The following ADGRB1 variants were observed in gnomAD, a reference collection of about 807,000 sequenced individuals.
ADGRB1 encodes the protein brain-specific angiogenesis inhibitor 1.
ADGRB1 carries 36 observed loss-of-function variants against 175.7 expected under a neutral mutation model. The ratio of observed to expected loss-of-function variants is 0.20; its 90% CI spans 0.16 to 0.27. The LOEUF (loss-of-function observed/expected upper bound fraction) is 0.27, where lower values mean the gene tolerates loss of function less well. Among genes scored for constraint, ADGRB1 ranks in the 10% least tolerant of loss-of-function variants. The pLI is 1.00. For synonymous variants in ADGRB1, 1,054 were observed against 979.4 expected (o/e 1.08, Z -1.42); for missense variants, 1,731 against 2,255.3 (o/e 0.77, Z 4.71).
At chr8:142,521,001 A>G in intron 20 of ADGRB1, 76 bp downstream of exon 20, 1 of 1,416,546 alleles carries the variant, frequency 7.1e-7, no homozygotes, top group South Asian at 1.3e-5. Flanking sequence ...AGGGGCCTGG[A>G]CCGTGGGATC....
At position 142,520,817 on chromosome 8, in the gene ADGRB1, C is replaced by G; in HGVS notation, c.2922-6C>G. ...TGCTGACCTTGGGCCCCTGCACTCT[C>G]CACAGGTACATTCGCTCAGAGCGTT... is the stretch of plus-strand genomic sequence containing the variant. On this transcript the variant is annotated splice_polypyrimidine_tract_variant and splice_region_variant and intron_variant, in intron 19 of 30. Transcript: ENST00000517894. 2 of 1,612,872 alleles carry G rather than the reference C, an allele frequency of 1.2e-6. No individual in the cohort carries two copies. The highest frequency in any genetic ancestry group is 4.5e-5 in the East Asian group (2 of 44,852).
In ADGRB1 at chr8:142,476,689, C is replaced by A. The variant is rs1024722020; in HGVS notation, c.1051C>A (p.Gln351Lys). Residue 351 changes from glutamine (Q) to lysine (K), a missense_variant, in exon 4 of 31, where the codon CAG (glutamine) becomes AAG (lysine). Coordinates refer to ENST00000517894, the MANE Select transcript of ADGRB1 (RefSeq NM_001702.3). The part of the protein sequence containing the change: ...ELQQFGFPAP[Q>K]TGDPAAEEWS... ...GCAGCAGTTTGGGTTCCCAGCCCCCCAGACCGGTGAGCTGGCGGGAGGGGG... is the reference window on the plus strand; with the variant it reads ...GCAGCAGTTTGGGTTCCCAGCCCCCAAGACCGGTGAGCTGGCGGGAGGGGG... 2.6e-6 allele frequency: 4 copies of A among 1,545,490 alleles called. No individual in the cohort carries two copies. Among genetic ancestry groups the A allele is most frequent in the Non-Finnish European group, 3.5e-6 (4 of 1,144,278 alleles).
intron 27 of ADGRB1, among the ~76,000 whole-genome samples, chr8:142,540,804 CTT>C (rs1845227533): frequency 6.6e-6 from 1 of 151,560 alleles, no homozygotes; most frequent in Admixed American, 6.6e-5. Flanking sequence ...ACGGGTCACT[CTT>C]GGGTAGGGAC....
At chr8:142,536,940 G>A (rs1197869752) in intron 25 of ADGRB1, 47 bp from the exon 26 acceptor site, 1 of 1,500,612 alleles carries the variant, frequency 6.7e-7, no homozygotes, top group Admixed American at 2.0e-5. Flanking sequence ...CGCTGGCGCA[G>A]GGTGGGGGCG....
chr8:142,479,670 C>T (rs751444894), intron 8 of ADGRB1, 23 bp from the exon 9 acceptor site: 2 of 1,608,180 alleles, frequency 1.2e-6, no homozygotes. Context: ...CTTCCTGAAC[C>T]CCTGTCCCGG....
chr8:142,454,540 G>GAC (rs1329071060), intron 1 of ADGRB1, among the ~76,000 whole-genome samples: 2 of 152,174 alleles, frequency 1.3e-5, no homozygotes, highest in African/African-American at 4.8e-5. Context: ...CGATCCAGAA[G>GAC]ACACAGCCTG....
chr8:142,492,068 C>T lies in ADGRB1; in HGVS notation c.2675+1253C>T, dbSNP rs1842006492. ...GGTGTCATGACTCTCCACCTACCCA[C>T]CACCCATCCACCCTCTCCTCTGTCT... On this transcript the variant is annotated intron_variant, in intron 17 of 30. Coordinates refer to ENST00000517894, the MANE Select transcript of ADGRB1 (RefSeq NM_001702.3). The surrounding 1 kb of genome is among the most constrained non-coding windows in gnomAD (Gnocchi z 4.4). Among the ~76,000 whole-genome samples, 1 of 151,962 alleles carries T rather than the reference C, an allele frequency of 6.6e-6. No individual in the cohort carries two copies. Among genetic ancestry groups the T allele is most frequent in the Non-Finnish European group, 1.5e-5 (1 of 67,984 alleles).
chr8:142,469,589 A>G (rs1183867869), intron 2 of ADGRB1, among the ~76,000 whole-genome samples: 17 of 100,562 alleles, frequency 1.7e-4, no homozygotes, highest in Middle Eastern at 8.8e-3. Flanking sequence ...GCATGTGTGA[A>G]TGTGTGTGTG....
Position 142,511,093 on chromosome 8 carries a change from G to C in ADGRB1, c.2817+20G>C. Reference sequence around the variant, plus strand: ...GACGCGGTGAGACCCCGGCCGGGCCGGCGGGAGGGGCGCCGGGCAGGGGCG... The same window carrying C: ...GACGCGGTGAGACCCCGGCCGGGCCCGCGGGAGGGGCGCCGGGCAGGGGCG... On this transcript the variant is annotated intron_variant, in intron 18 of 30. Transcript: ENST00000517894. The surrounding 1 kb of genome is among the most constrained non-coding windows in gnomAD (Gnocchi z 4.5). 2 of 1,090,748 alleles carry C rather than the reference G, an allele frequency of 1.8e-6. No homozygotes were observed. Among genetic ancestry groups the C allele is most frequent in the Admixed American group, 5.2e-5 (1 of 19,098 alleles). The allele number at this position is 1,090,748 out of a possible 1,614,324, so 67.6% of individuals were successfully genotyped here. A position where few individuals can be genotyped will look rare whatever the true frequency, so the allele number is the denominator to read the frequency against.
Position 142,537,199 on chromosome 8 carries a change from G to C in ADGRB1, c.3666+117G>C, listed in dbSNP as rs896761287. Reference sequence around the variant, plus strand: ...TAGGCCCCAGCAACCCTGCTGAGAGGAGCTCTGAACCCAGTGTGCAGTTGG... The same window carrying C: ...TAGGCCCCAGCAACCCTGCTGAGAGCAGCTCTGAACCCAGTGTGCAGTTGG... On this transcript the variant is annotated intron_variant, in intron 26 of 30. Transcript: ENST00000517894. This position sits in a 1 kb window ranked among gnomAD's most constrained non-coding sequence, Gnocchi z 4.6. 10 of 789,858 alleles carry C rather than the reference G, an allele frequency of 1.3e-5. No homozygotes were observed. Among genetic ancestry groups the C allele is most frequent in the Non-Finnish European group, 1.7e-5 (9 of 540,764 alleles). The allele number at this position is 789,858 out of a possible 1,614,324, so 48.9% of individuals were successfully genotyped here.
chr8:142,485,173 G>A lies in ADGRB1; in HGVS notation c.2308+409G>A, dbSNP rs148413635. Among the ~76,000 whole-genome samples the A allele has an allele frequency of 3.5e-3, 528 of 152,352 alleles. 2 individuals carry two copies. The highest frequency in any genetic ancestry group is 0.012 in the African/African-American group (506 of 41,584). ...GACTCCACCCAGCTCCGTGGTGTCA[G>A]CCGAGTCTTAGTTTCCTCATTTCTA... On this transcript the variant is annotated intron_variant, in intron 13 of 30. Transcript: ENST00000517894.
At chr8:142,465,965 C>T (rs1485242262) in intron 2 of ADGRB1, among the ~76,000 whole-genome samples, 3 of 152,184 alleles carry the variant, frequency 2.0e-5, no homozygotes, top group Non-Finnish European at 2.9e-5. Flanking sequence ...GAGCAGCGTC[C>T]TCGGGGTAGA....
intron 27 of ADGRB1, 61 bp downstream of exon 27, chr8:142,539,474 C>G: frequency 6.4e-7 from 1 of 1,564,262 alleles, no homozygotes. Flanking sequence ...CCCCACTCCA[C>G]GCCTCCGCCT....
chr8:142,500,222 G>A (rs1400748243), intron 17 of ADGRB1, among the ~76,000 whole-genome samples: 2 of 45,240 alleles, frequency 4.4e-5, no homozygotes, highest in South Asian at 7.4e-4. Context: ...ACTTCCCCCC[G>A]CGCCGCTCCT....
intron 17 of ADGRB1, among the ~76,000 whole-genome samples, chr8:142,502,605 G>A (rs1328645563): frequency 3.3e-5 from 5 of 150,324 alleles, no homozygotes; most frequent in Admixed American, 2.6e-4. Context: ...TTTTGATGAT[G>A]GGGTGGTGGC....
chr8:142,539,480 C>A (rs1479217332), intron 27 of ADGRB1, 67 bp downstream of exon 27: 8 of 1,552,112 alleles, frequency 5.2e-6, no homozygotes, highest in Non-Finnish European at 6.1e-6. Flanking sequence ...TCCACGCCTC[C>A]GCCTGTGCCT....
chr8:142,528,004 A>C (rs914260529), intron 24 of ADGRB1, among the ~76,000 whole-genome samples: 1 of 152,194 alleles, frequency 6.6e-6, no homozygotes, highest in Non-Finnish European at 1.5e-5. Flanking sequence ...CGTTAGGTGC[A>C]CACAGCCCAG....
At position 142,511,539 on chromosome 8, in the gene ADGRB1, C is replaced by G. The variant is rs966831204; in HGVS notation, c.2817+466C>G. Among the ~76,000 whole-genome samples, 1 of 152,182 alleles carries G rather than the reference C, an allele frequency of 6.6e-6. No homozygotes were observed. Among genetic ancestry groups the G allele is most frequent in the African/African-American group, 2.4e-5 (1 of 41,456 alleles). On this transcript the variant is annotated intron_variant, in intron 18 of 30. Coordinates refer to ENST00000517894, the MANE Select transcript of ADGRB1 (RefSeq NM_001702.3). This position sits in a 1 kb window ranked among gnomAD's most constrained non-coding sequence, Gnocchi z 4.5. The stretch of plus-strand genomic sequence containing the variant: ...GACCCACCCCAAGTAGAGCCTGGTC[C>G]GTGGAGGAGGAGGTGGCGGTGGCCC...
At chr8:142,460,061 G>A (rs541530351) in intron 1 of ADGRB1, among the ~76,000 whole-genome samples, 41 of 152,350 alleles carry the variant, frequency 2.7e-4, no homozygotes, top group South Asian at 8.3e-4. Context: ...TGCAGTGCCC[G>A]GCTCGGGCCT....
Sources: gnomAD v4.1 joint callset for allele counts (sites outside exome capture counted in the v4.1 genomes callset) on GRCh38, gnomAD v4.1.1 for gene constraint, Gnocchi (gnomAD v3.1) non-coding constraint, MANE v1.5 for transcripts, NCBI Gene and HGNC (gene_info 2026-07-23, HGNC 2026-07-21) for gene names.